The following RALGAPA1 variants were observed in gnomAD, a reference collection of about 807,000 sequenced individuals.
RALGAPA1 encodes Ral GTPase activating protein catalytic subunit alpha 1.
A neutral mutation model predicts 269.6 loss-of-function variants in RALGAPA1; 52 were observed. The observed-to-expected ratio is 0.19, with a 90% CI of 0.15 to 0.24. The LOEUF (loss-of-function observed/expected upper bound fraction) is 0.24, where lower values mean the gene tolerates loss of function less well. Ranked by LOEUF, RALGAPA1 falls within the 10% of genes least tolerant of loss-of-function variation. RALGAPA1 has a pLI of 1.00. For synonymous variants in RALGAPA1, 817 were observed against 1,008.3 expected, an observed-to-expected ratio of 0.81 and a Z score of 3.60; for missense variants, 1,917 against 3,013.9, an observed-to-expected ratio of 0.64 and a Z score of 8.52.
At chr14:35,767,687 C>CA (rs1343507835) in intron 4 of RALGAPA1, among the ~76,000 whole-genome samples, 2 of 151,750 alleles carry the variant, frequency 1.3e-5, no homozygotes, top group Admixed American at 1.3e-4. Flanking sequence ...GATTCCATCT[C>CA]AAAAAAACAA....
chr14:35,677,937 T>A lies in RALGAPA1; in HGVS notation c.4624+13A>T. ...AAAAGAAAAAAGGTAAATATCTAAT[T>A]TTGAAATATTGCCTAGATCATCTGG... On this transcript the variant is annotated intron_variant, in intron 22 of 41. Coordinates refer to ENST00000680220, the MANE Select transcript of RALGAPA1 (RefSeq NM_001346249.2). 1 of 1,611,202 alleles carries A rather than the reference T, an allele frequency of 6.2e-7. No homozygotes were observed. The highest frequency in any genetic ancestry group is 8.5e-7 in the Non-Finnish European group (1 of 1,179,034).
intron 33 of RALGAPA1, among the ~76,000 whole-genome samples, 169 bp from the exon 34 acceptor site, chr14:35,628,120 G>A (rs2061104520): frequency 6.6e-6 from 1 of 152,164 alleles, no homozygotes. Flanking sequence ...ATTCTTTGAT[G>A]AAGTTTTGTT....
intron 17 of RALGAPA1, among the ~76,000 whole-genome samples, chr14:35,695,613 G>C (rs1434827287): frequency 6.6e-6 from 1 of 152,182 alleles, no homozygotes; most frequent in Non-Finnish European, 1.5e-5. Context: ...CTGGTTGAAA[G>C]AAACTGGGTC....
At chr14:35,602,881 A>T (rs951437860) in intron 36 of RALGAPA1, among the ~76,000 whole-genome samples, 8 of 152,170 alleles carry the variant, frequency 5.3e-5, no homozygotes, top group African/African-American at 1.7e-4. Flanking sequence ...TCTAGGTCTT[A>T]ACATTTAGGT....
At chr14:35,752,370 T>A (rs1410921833) in intron 7 of RALGAPA1, among the ~76,000 whole-genome samples, 1 of 152,182 alleles carries the variant, frequency 6.6e-6, no homozygotes, top group Non-Finnish European at 1.5e-5. Flanking sequence ...ACCTTAGAAG[T>A]ATGCTTCAAA....
intron 39 of RALGAPA1, among the ~76,000 whole-genome samples, chr14:35,566,443 T>C (rs918023014): frequency 6.6e-6 from 1 of 152,168 alleles, no homozygotes; most frequent in Non-Finnish European, 1.5e-5. Context: ...TGAGTACTTT[T>C]ATTGGGCATA....
At chr14:35,745,787 A>AAAAG (rs2072026548) in intron 10 of RALGAPA1, among the ~76,000 whole-genome samples, 1 of 149,130 alleles carries the variant, frequency 6.7e-6, no homozygotes, top group African/African-American at 2.5e-5. Context: ...AAAAAAAAAA[A>AAAAG]GGCAGAAAAT....
intron 31 of RALGAPA1, among the ~76,000 whole-genome samples, chr14:35,647,558 C>CA (rs1436362036): frequency 6.6e-6 from 1 of 151,912 alleles, no homozygotes; most frequent in African/African-American, 2.4e-5. Flanking sequence ...AAACCCAATT[C>CA]AAAAAAATTA....
chr14:35,804,750 ATG>A (rs1173324128), intron 1 of RALGAPA1, among the ~76,000 whole-genome samples: 2 of 151,652 alleles, frequency 1.3e-5, no homozygotes, highest in African/African-American at 4.8e-5. Context: ...CCTGGGCAAC[ATG>A]AGACCCCATC....
chr14:35,783,210 T>G (rs561367164), intron 1 of RALGAPA1, among the ~76,000 whole-genome samples: 2 of 151,922 alleles, frequency 1.3e-5, no homozygotes. Context: ...GATAGACATA[T>G]AGATGAATGG....
intron 11 of RALGAPA1, among the ~76,000 whole-genome samples, chr14:35,739,091 T>C (rs1415651772): frequency 6.6e-6 from 1 of 152,212 alleles, no homozygotes; most frequent in African/African-American, 2.4e-5. Flanking sequence ...AAAATTCTCA[T>C]TATTCAAAGA....
At position 35,570,659 on chromosome 14, in the gene RALGAPA1, G is replaced by A. The variant is rs1458440931; in HGVS notation, c.7454C>T (p.Ala2485Val). The A allele has an allele frequency of 1.2e-6, 2 of 1,609,722 alleles. No individual in the cohort carries two copies. Among genetic ancestry groups the A allele is most frequent in the Admixed American group, 1.7e-5 (1 of 59,208 alleles). ...PIMVRATAIN[A>V]SRALKSLIPL... ...AATCAGAGATTTCAGAGCACGGCTT[G>A]CATTTATAGCTGTTGCTCTAACCAT... The change falls in exon 39 of 42, where the codon GCA becomes GTA. Residue 2485 changes from alanine (A) to valine (V), a missense_variant. Physicochemically the swap from Ala to Val is moderately conservative, Grantham distance 64. Transcript: ENST00000680220.
At chr14:35,627,029 A>T in intron 34 of RALGAPA1, 61 bp downstream of exon 34, 1 of 1,387,692 alleles carries the variant, frequency 7.2e-7, no homozygotes, top group Non-Finnish European at 9.5e-7. Context: ...AAAATGCTTT[A>T]TCAGAAGATG....
At chr14:35,758,243 C>CAAAAAA (rs66473514) in intron 6 of RALGAPA1, among the ~76,000 whole-genome samples, 24 of 49,638 alleles carry the variant, frequency 4.8e-4, no homozygotes, top group Admixed American at 7.8e-4. Flanking sequence ...GACTCTGTCT[C>CAAAAAA]AAAAAAAAAA....
chr14:35,674,284 A>T lies in RALGAPA1; in HGVS notation c.4819-6T>A. The T allele has an allele frequency of 6.3e-7, 1 of 1,596,216 alleles. No individual in the cohort carries two copies. The highest frequency in any genetic ancestry group is 8.5e-7 in the Non-Finnish European group (1 of 1,170,456). ...ATGCCAAGGTTATCTCTAATCTGTA[A>T]TTTTCAAATAAAAAGCAACAAACCT... On this transcript the variant is annotated splice_polypyrimidine_tract_variant and splice_region_variant and intron_variant, in intron 23 of 41. Coordinates refer to ENST00000680220, the MANE Select transcript of RALGAPA1 (RefSeq NM_001346249.2).
rs533397085 is a variant in RALGAPA1 at position 35,581,024 on chromosome 14, T to C, written c.7210-8306A>G. On this transcript the variant is annotated intron_variant, in intron 37 of 41. Transcript: ENST00000680220. ...GGGACAACCTAATGATATCCAATTG[T>C]TCATTTATAATAGGACACATGTTCT... 3.9e-5 allele frequency among the ~76,000 whole-genome samples: 6 copies of C among 152,250 alleles called. No individual in the cohort carries two copies. The South Asian group carries it at 8.3e-4, about 21-fold the overall frequency.
chr14:35,758,683 G>A (rs2073416253), intron 6 of RALGAPA1, among the ~76,000 whole-genome samples: 1 of 152,114 alleles, frequency 6.6e-6, no homozygotes, highest in Non-Finnish European at 1.5e-5. Context: ...AGGCTACAGT[G>A]CATTATGATC....
chr14:35,806,346 G>T (rs1018968296), intron 1 of RALGAPA1, among the ~76,000 whole-genome samples: 2 of 151,754 alleles, frequency 1.3e-5, no homozygotes, highest in East Asian at 1.9e-4. Context: ...GTTGTAAAAT[G>T]GGGGGGAGGG....
chr14:35,577,328 G>A (rs994852051), intron 37 of RALGAPA1, among the ~76,000 whole-genome samples: 2 of 152,042 alleles, frequency 1.3e-5, no homozygotes, highest in Admixed American at 1.3e-4. Flanking sequence ...GGTATCGGAA[G>A]GTAGGGAACT....
Sources: gnomAD v4.1 joint callset for allele counts (sites outside exome capture counted in the v4.1 genomes callset) on GRCh38, gnomAD v4.1.1 for gene constraint, MANE v1.5 for transcripts, NCBI Gene and HGNC (gene_info 2026-07-23, HGNC 2026-07-21) for gene names.